The following ROBO2 variants were observed in gnomAD, a reference collection of about 807,000 sequenced individuals.
ROBO2 encodes roundabout guidance receptor 2.
A neutral mutation model predicts 160.8 loss-of-function variants in ROBO2; 53 were observed. The observed-to-expected ratio is 0.33, with a 90% confidence interval of 0.26 to 0.41. The LOEUF is 0.41. ROBO2 is among the 10% of genes least tolerant of loss of function. ROBO2 has a pLI of 1.00. For synonymous variants in ROBO2, 664 were observed against 611.7 expected (o/e 1.09, Z -1.26); for missense variants, 1,577 against 1,722.4 (o/e 0.92, Z 1.49).
intron 2 of ROBO2, among the ~76,000 whole-genome samples, chr3:76,340,269 C>T (rs2074144567): frequency 2.0e-5 from 3 of 152,054 alleles, no homozygotes; most frequent in Admixed American, 6.6e-5. Context: ...GGCAAGCTGT[C>T]CTTTTGGTCT....
Position 75,974,693 on chromosome 3 carries a change from A to T in ROBO2, c.109+37091A>T, listed in dbSNP as rs2065089957. ...TTAGGTAAACATTTATAATGTTTTC[A>T]ATTATTTGAGTTTAGTTTTACAAGA... On this transcript the variant is annotated intron_variant, in intron 2 of 26. Transcript: ENST00000487694. 2.0e-5 allele frequency among the ~76,000 whole-genome samples: 3 copies of T among 151,522 alleles called. No individual in the cohort carries two copies. In the South Asian group the frequency reaches 6.2e-4, roughly 31 times the overall value.
intron 2 of ROBO2, among the ~76,000 whole-genome samples, chr3:75,950,933 A>C (rs570599799): frequency 6.6e-6 from 1 of 152,208 alleles, no homozygotes; most frequent in South Asian, 2.1e-4. Context: ...TCAGTAGGTA[A>C]ATAATGATTT....
intron 2 of ROBO2, among the ~76,000 whole-genome samples, chr3:76,578,106 T>TA (rs1265423306): frequency 6.6e-6 from 1 of 152,186 alleles, no homozygotes; most frequent in African/African-American, 2.4e-5. Flanking sequence ...CTTGGGAACT[T>TA]AGACAGGTTC....
At chr3:76,767,184 A>C (rs1428617668) in intron 2 of ROBO2, among the ~76,000 whole-genome samples, 1 of 151,578 alleles carries the variant, frequency 6.6e-6, no homozygotes, top group Non-Finnish European at 1.5e-5. Context: ...GCTACTACAA[A>C]AGCCTTTTAG....
chr3:77,358,871 CT>C (rs2069513320), intron 2 of ROBO2, among the ~76,000 whole-genome samples: 1 of 152,070 alleles, frequency 6.6e-6, no homozygotes, highest in African/African-American at 2.4e-5. Context: ...AATAAATGAC[CT>C]TTTGGTAAGG....
At chr3:76,597,256 T>C (rs1332034845) in intron 2 of ROBO2, among the ~76,000 whole-genome samples, 1 of 151,954 alleles carries the variant, frequency 6.6e-6, no homozygotes, top group Non-Finnish European at 1.5e-5. Flanking sequence ...AAAAAATTAA[T>C]AAATGGACCA....
chr3:76,677,078 T>C (rs1055932764), intron 2 of ROBO2, among the ~76,000 whole-genome samples: 1 of 148,156 alleles, frequency 6.7e-6, no homozygotes, highest in African/African-American at 2.6e-5. Context: ...CTAAAGTTTC[T>C]AGGCAATTTT....
At chr3:77,237,941 T>C (rs1029255941) in intron 2 of ROBO2, among the ~76,000 whole-genome samples, 5 of 152,222 alleles carry the variant, frequency 3.3e-5, no homozygotes, top group African/African-American at 1.2e-4. Context: ...GTCTAATAGA[T>C]GTGCAACGGT....
chr3:77,050,115 C>T (rs2065068065), intron 1 of ROBO2, among the ~76,000 whole-genome samples: 1 of 152,074 alleles, frequency 6.6e-6, no homozygotes, highest in Admixed American at 6.5e-5. Flanking sequence ...ATATAGATTT[C>T]AGGGTTAGAG....
At chr3:77,395,981 C>T (rs1345689886) in intron 2 of ROBO2, among the ~76,000 whole-genome samples, 1 of 151,016 alleles carries the variant, frequency 6.6e-6, no homozygotes, top group African/African-American at 2.4e-5. Flanking sequence ...GGAAATCGTT[C>T]TGCAATAACT....
chr3:76,744,567 G>T (rs2093854209), intron 2 of ROBO2, among the ~76,000 whole-genome samples: 2 of 151,750 alleles, frequency 1.3e-5, no homozygotes, highest in Admixed American at 6.6e-5. Context: ...TCGCTCTGTT[G>T]CCCAGGCTGG....
chr3:76,597,468 A>T (rs1017456815), intron 2 of ROBO2, among the ~76,000 whole-genome samples: 4 of 152,180 alleles, frequency 2.6e-5, no homozygotes, highest in Non-Finnish European at 5.9e-5. Context: ...CATTTCATGG[A>T]AGAGGATACA....
chr3:76,789,590 G>A (rs574089735), intron 2 of ROBO2, among the ~76,000 whole-genome samples: 20 of 151,626 alleles, frequency 1.3e-4, no homozygotes, highest in African/African-American at 4.8e-4. Context: ...AAGAGCTTGG[G>A]GAAAATGGAC....
At chr3:76,205,440 G>C (rs900799389) in intron 2 of ROBO2, among the ~76,000 whole-genome samples, 1 of 152,104 alleles carries the variant, frequency 6.6e-6, no homozygotes, top group Non-Finnish European at 1.5e-5. Flanking sequence ...ACTCCTGCTC[G>C]TGAAAGGCAA....
chr3:76,561,478 C>T (rs2084182337), intron 2 of ROBO2, among the ~76,000 whole-genome samples: 1 of 152,134 alleles, frequency 6.6e-6, no homozygotes, highest in South Asian at 2.1e-4. Flanking sequence ...TCAACCTGAA[C>T]TGAAAATGCT....
intron 2 of ROBO2, among the ~76,000 whole-genome samples, chr3:77,003,866 G>A (rs2061449662): frequency 6.6e-6 from 1 of 152,048 alleles, no homozygotes; most frequent in Non-Finnish European, 1.5e-5. Context: ...TCTTTAATCA[G>A]ATCCAGTGAA....
chr3:76,556,549 GAA>G (rs1346885133), intron 2 of ROBO2, among the ~76,000 whole-genome samples: 6 of 152,130 alleles, frequency 3.9e-5, no homozygotes, highest in African/African-American at 1.2e-4. Context: ...TTAATAAAAA[GAA>G]TGGGTGGTAT....
chr3:77,032,016 TC>T (rs2149558887), intron 2 of ROBO2, among the ~76,000 whole-genome samples: 1 of 152,256 alleles, frequency 6.6e-6, no homozygotes, highest in South Asian at 2.1e-4. Context: ...ATACTATTTC[TC>T]CAAGGTTTCT....
chr3:75,942,131 G>A (rs1948086083), intron 2 of ROBO2, among the ~76,000 whole-genome samples: 1 of 152,036 alleles, frequency 6.6e-6, no homozygotes, highest in South Asian at 2.1e-4. Context: ...TGAATTAAAG[G>A]TTTACAGCTA....
Sources: gnomAD v4.1 joint callset for allele counts (sites outside exome capture counted in the v4.1 genomes callset) on GRCh38, gnomAD v4.1.1 for gene constraint, MANE v1.5 for transcripts, NCBI Gene and HGNC (gene_info 2026-07-23, HGNC 2026-07-21) for gene names.